ZCCHC7: variants seen among roughly 807,000 people sequenced by gnomAD.
The protein encoded by ZCCHC7 is zinc finger CCHC-type containing 7.
Under a neutral mutation model 52.0 loss-of-function variants are expected in ZCCHC7, and 35 were observed. That is an observed-to-expected ratio of 0.67 (90% CI 0.51 to 0.89). The LOEUF (loss-of-function observed/expected upper bound fraction) is 0.89, where lower values mean the gene tolerates loss of function less well. ZCCHC7 is among the 40% of genes least tolerant of loss of function. The pLI is 0.00. For missense variants in ZCCHC7, 574 were observed against 649.1 expected (o/e 0.88, Z 1.26); for synonymous variants, 217 against 221.5 (o/e 0.98, Z 0.18).
rs34589957 is a variant in ZCCHC7, at chr9:37,130,334, C to CTTTTTTTT, written c.610+3415_610+3422dup. Reference sequence around the variant, plus strand: ...GCTAAGTAATTTACGGAATTCTCTCCTTTTTTTTTTTTTTTTTTTTTTTTT... The same window carrying CTTTTTTTT: ...GCTAAGTAATTTACGGAATTCTCTCCTTTTTTTTTTTTTTTTTTTTTTTTTTTTTTTTT... On this transcript the variant is annotated intron_variant, in intron 2 of 8. Coordinates refer to ENST00000336755, the MANE Select transcript of ZCCHC7 (RefSeq NM_032226.3). Among the ~76,000 whole-genome samples the CTTTTTTTT allele has an allele frequency of 4.4e-4, 28 of 63,136 alleles. 3 individuals are homozygous for CTTTTTTTT. The highest frequency in any genetic ancestry group is 1.4e-3 in the African/African-American group (23 of 16,692). 41.4% of individuals were successfully genotyped at this position (63,136 alleles called of 152,430 possible).
chr9:37,124,185 A>G (rs1049006605), intron 1 of ZCCHC7, among the ~76,000 whole-genome samples: 17 of 152,074 alleles, frequency 1.1e-4, no homozygotes, highest in Admixed American at 6.6e-5. Flanking sequence ...AATAGGCATC[A>G]TTATTGCTCT....
chr9:37,192,535 A>T (rs1823071359), intron 2 of ZCCHC7, among the ~76,000 whole-genome samples: 1 of 152,212 alleles, frequency 6.6e-6, no homozygotes, highest in South Asian at 2.1e-4. Flanking sequence ...ACATGGTTGA[A>T]GTTGAAAAAT....
chr9:37,238,004 A>G (rs890295291), intron 2 of ZCCHC7, among the ~76,000 whole-genome samples: 1 of 152,138 alleles, frequency 6.6e-6, no homozygotes. Context: ...CACATTTATT[A>G]TGAACATATA....
At chr9:37,234,995 A>G (rs188526356) in intron 2 of ZCCHC7, among the ~76,000 whole-genome samples, 43 of 152,322 alleles carry the variant, frequency 2.8e-4, no homozygotes, top group Non-Finnish European at 6.0e-4. Context: ...GGGGTACAGT[A>G]TGATGTTTCA....
At chr9:37,267,112 G>C (rs751942083) in intron 2 of ZCCHC7, among the ~76,000 whole-genome samples, 2 of 152,092 alleles carry the variant, frequency 1.3e-5, no homozygotes, top group Non-Finnish European at 2.9e-5. Flanking sequence ...TTGGAAGATG[G>C]GTTGCAAAGT....
intron 2 of ZCCHC7, among the ~76,000 whole-genome samples, chr9:37,165,623 A>G (rs551888539): frequency 6.6e-6 from 1 of 152,156 alleles, no homozygotes; most frequent in Non-Finnish European, 1.5e-5. Flanking sequence ...GTGGTCTTGT[A>G]TTTCTGGGTT....
chr9:37,266,983 CT>C (rs1827134470), intron 2 of ZCCHC7, among the ~76,000 whole-genome samples: 1 of 152,068 alleles, frequency 6.6e-6, no homozygotes, highest in East Asian at 1.9e-4. Context: ...TTAAGTTTTT[CT>C]GTATAAATGG....
chr9:37,353,120 A>G (rs368469968), intron 7 of ZCCHC7, among the ~76,000 whole-genome samples: 11 of 152,224 alleles, frequency 7.2e-5, no homozygotes, highest in African/African-American at 2.7e-4. Context: ...AGTGTGAGTA[A>G]CTTAAGATAC....
intron 2 of ZCCHC7, among the ~76,000 whole-genome samples, chr9:37,286,194 A>C (rs567640812): frequency 8.6e-4 from 131 of 152,352 alleles, no homozygotes; most frequent in African/African-American, 3.0e-3. Flanking sequence ...CATATTGGTT[A>C]AGAGCATGGT....
At chr9:37,135,254 G>A (rs1315267810) in intron 2 of ZCCHC7, among the ~76,000 whole-genome samples, 1 of 152,152 alleles carries the variant, frequency 6.6e-6, no homozygotes, top group African/African-American at 2.4e-5. Flanking sequence ...ATTTAAAATA[G>A]TTGATGACTA....
chr9:37,349,453 G>A lies in ZCCHC7; in HGVS notation c.1083+1G>A, dbSNP rs200582770. The A allele has an allele frequency of 1.1e-5, 18 of 1,613,516 alleles. No individual in the cohort carries two copies. The highest frequency in any genetic ancestry group is 3.4e-6 in the Non-Finnish European group (4 of 1,179,642). On this transcript the variant is annotated splice_donor_variant, in intron 7 of 8. Transcript: ENST00000336755. LOFTEE classifies it high-confidence loss of function. ...CGCGCAAAAAGGCCATTATGGACAC[G>A]TAAGTTTGAGTGACATTTGGGCATG...
intron 2 of ZCCHC7, among the ~76,000 whole-genome samples, chr9:37,127,985 C>T (rs1414482372): frequency 6.6e-6 from 1 of 152,138 alleles, no homozygotes; most frequent in Non-Finnish European, 1.5e-5. Flanking sequence ...AAACAGGTGG[C>T]CGGCTCAGGC....
At chr9:37,241,618 C>T (rs1029295993) in intron 2 of ZCCHC7, among the ~76,000 whole-genome samples, 1 of 151,780 alleles carries the variant, frequency 6.6e-6, no homozygotes, top group Non-Finnish European at 1.5e-5. Flanking sequence ...AAAAGTCTTT[C>T]ATTTTAGCAG....
intron 2 of ZCCHC7, among the ~76,000 whole-genome samples, chr9:37,262,316 A>T (rs1049544524): frequency 6.6e-6 from 1 of 152,158 alleles, no homozygotes; most frequent in Non-Finnish European, 1.5e-5. Flanking sequence ...AAACATAGTC[A>T]TAATGACTAT....
chr9:37,196,104 A>G (rs541771046), intron 2 of ZCCHC7, among the ~76,000 whole-genome samples: 5 of 152,306 alleles, frequency 3.3e-5, no homozygotes, highest in African/African-American at 1.2e-4. Flanking sequence ...AGGCCCAGAT[A>G]TATAAATATA....
intron 2 of ZCCHC7, among the ~76,000 whole-genome samples, chr9:37,148,958 G>A (rs1843564556): frequency 6.6e-6 from 1 of 152,114 alleles, no homozygotes. Flanking sequence ...GGCACAGTTT[G>A]TTTGATTTTA....
chr9:37,235,730 C>A (rs1384037588), intron 2 of ZCCHC7, among the ~76,000 whole-genome samples: 1 of 151,864 alleles, frequency 6.6e-6, no homozygotes, highest in East Asian at 1.9e-4. Flanking sequence ...GCTGGGATTA[C>A]AGGCACACAC....
intron 6 of ZCCHC7, among the ~76,000 whole-genome samples, chr9:37,334,375 G>A (rs1418107328): frequency 6.6e-6 from 1 of 151,910 alleles, no homozygotes; most frequent in Non-Finnish European, 1.5e-5. Flanking sequence ...GAAGTATTTA[G>A]GAATCAATTA....
At chr9:37,186,761 G>T (rs1304100834) in intron 2 of ZCCHC7, 2 of 556,472 alleles carry the variant, frequency 3.6e-6, no homozygotes, top group Non-Finnish European at 3.4e-6. Context: ...AAGATGGAAT[G>T]ATTCATTTCT....
Sources: allele counts gnomAD v4.1 joint callset (sites outside exome capture counted in the v4.1 genomes callset), GRCh38; gene constraint gnomAD v4.1.1; transcripts MANE v1.5; gene names NCBI Gene and HGNC (gene_info 2026-07-23, HGNC 2026-07-21).